The following PLGRKT variants were observed in gnomAD, a reference collection of about 807,000 sequenced individuals.
The protein encoded by PLGRKT is plasminogen receptor (KT).
A neutral mutation model predicts 18.5 loss-of-function variants in PLGRKT; 22 were observed. That is an observed-to-expected ratio of 1.19 (90% CI 0.85 to 1.70). The LOEUF is 1.70. Among genes scored for constraint, PLGRKT ranks in the 40% most tolerant of loss-of-function variants. The pLI, the probability that PLGRKT is intolerant of heterozygous loss-of-function variation, is 0.00. For missense variants in PLGRKT, 235 were observed against 174.4 expected (o/e 1.35, Z -1.96); for synonymous variants, 72 against 52.8 (o/e 1.36, Z -1.58).
intron 2 of PLGRKT, among the ~76,000 whole-genome samples, chr9:5,434,767 G>A (rs1216399169): frequency 1.3e-5 from 2 of 151,998 alleles, no homozygotes; most frequent in Non-Finnish European, 2.9e-5. Context: ...TGGGAAGTGA[G>A]GTGTGCCTCT....
intron 3 of PLGRKT, among the ~76,000 whole-genome samples, chr9:5,364,053 C>T (rs1814502951): frequency 6.6e-6 from 1 of 152,144 alleles, no homozygotes; most frequent in African/African-American, 2.4e-5. Flanking sequence ...TATCAAAAGG[C>T]AGCAAACAAG....
At position 5,418,018 on chromosome 9, in the gene PLGRKT, A is replaced by T. The variant is rs1424350556; in HGVS notation, c.81+13879T>A. ...TTTTAATCTAACGGATTTCGAGAAG[A>T]TCACATTGTACGCACTTGTGGAGTT... On this transcript the variant is annotated intron_variant, in intron 3 of 5. Coordinates refer to ENST00000223864, the MANE Select transcript of PLGRKT (RefSeq NM_018465.4). The surrounding 1 kb of genome is among the most constrained non-coding windows in gnomAD (Gnocchi z 4.2). Among the ~76,000 whole-genome samples, 1 of 152,228 alleles carries T rather than the reference A, an allele frequency of 6.6e-6. No homozygotes were observed. The highest frequency in any genetic ancestry group is 1.5e-5 in the Non-Finnish European group (1 of 68,048).
chr9:5,425,049 G>C, intron 3 of PLGRKT, among the ~76,000 whole-genome samples: 1 of 152,214 alleles, frequency 6.6e-6, no homozygotes, highest in Non-Finnish European at 1.5e-5. Flanking sequence ...TTTGTTGCTT[G>C]AACACAATAA....
intron 5 of PLGRKT, among the ~76,000 whole-genome samples, chr9:5,358,674 G>T (rs1817192795): frequency 6.6e-6 from 1 of 152,104 alleles, no homozygotes; most frequent in Non-Finnish European, 1.5e-5. Flanking sequence ...GGAGGGATTT[G>T]GGTAGAGAAA....
intron 3 of PLGRKT, among the ~76,000 whole-genome samples, chr9:5,421,257 A>G (rs1818570792): frequency 6.6e-6 from 1 of 152,076 alleles, no homozygotes; most frequent in Admixed American, 6.5e-5. Context: ...TTTTGCCTGA[A>G]ACTCGTTCCC....
At position 5,390,080 on chromosome 9, in the gene PLGRKT, C is replaced by T. The variant is rs555216549; in HGVS notation, c.82-28192G>A. Among the ~76,000 whole-genome samples, 4 of 151,772 alleles carry T rather than the reference C, an allele frequency of 2.6e-5. No individual in the cohort carries two copies. In the South Asian group the frequency reaches 8.3e-4, roughly 32 times the overall value. On this transcript the variant is annotated intron_variant, in intron 3 of 5. Transcript: ENST00000223864. ...GTGGAGTCAAAGGAACCAATGCAGG[C>T]CATCTAGAAGATTCTAAAATCCAGA...
At chr9:5,385,923 G>A (rs989600606) in intron 3 of PLGRKT, among the ~76,000 whole-genome samples, 1 of 151,822 alleles carries the variant, frequency 6.6e-6, no homozygotes, top group Non-Finnish European at 1.5e-5. Context: ...CATTATTTTA[G>A]TAAAAGCACA....
chr9:5,430,353 T>C (rs1209004102), intron 3 of PLGRKT, among the ~76,000 whole-genome samples: 1 of 152,200 alleles, frequency 6.6e-6, no homozygotes, highest in Non-Finnish European at 1.5e-5. Context: ...GCTGGCTGAT[T>C]TGTAAACCTA....
rs112472100 is a variant in PLGRKT, at chr9:5,428,115, C to T, written c.81+3782G>A. ...GCGATGGCTGCTGAATCTAGGGGTC[C>T]CCAGAGCTGAAATAAATGGTGTTAA... is the stretch of plus-strand genomic sequence containing the variant. On this transcript the variant is annotated intron_variant, in intron 3 of 5. Transcript: ENST00000223864. Among the ~76,000 whole-genome samples, 1,053 of 152,168 alleles carry T rather than the reference C, an allele frequency of 6.9e-3. 16 individuals carry two copies. The highest frequency in any genetic ancestry group is 0.024 in the African/African-American group (1,013 of 41,506).
rs1818517797 is a variant in PLGRKT, at chr9:5,418,890, G to C, written c.81+13007C>G. ...GGCAAACTGAACAGCAGGTGTGCTTGCAATCCAGCAACTTGGCCTTCACTA... is the reference window on the plus strand; with the variant it reads ...GGCAAACTGAACAGCAGGTGTGCTTCCAATCCAGCAACTTGGCCTTCACTA... On this transcript the variant is annotated intron_variant, in intron 3 of 5. Coordinates refer to ENST00000223864, the MANE Select transcript of PLGRKT (RefSeq NM_018465.4). The surrounding 1 kb of genome is among the most constrained non-coding windows in gnomAD (Gnocchi z 4.2). 2.0e-6 allele frequency: 2 copies of C among 980,576 alleles called. No individual in the cohort carries two copies. The highest frequency in any genetic ancestry group is 2.6e-5 in the South Asian group (2 of 75,674). 60.7% of individuals were successfully genotyped at this position (980,576 alleles called of 1,614,324 possible).
At chr9:5,438,311 C>T (rs1819002477), upstream of PLGRKT, among the ~76,000 whole-genome samples, 1 of 152,222 alleles carries the variant, frequency 6.6e-6, no homozygotes, top group Non-Finnish European at 1.5e-5. Flanking sequence ...GAATAAGCCA[C>T]GTCTCTCTCC....
rs1817255385 is a variant in PLGRKT, at chr9:5,361,158, A to G, written c.242T>C (p.Leu81Pro). The G allele has an allele frequency of 6.2e-7, 1 of 1,609,788 alleles. No individual in the cohort carries two copies. Among genetic ancestry groups the G allele is most frequent in the Non-Finnish European group, 8.5e-7 (1 of 1,177,282 alleles). The change falls in exon 5 of 6, where the codon CTG becomes CCG. Residue 81 changes from leucine (L) to proline (P), a missense_variant. Leu to Pro is a moderately conservative substitution (Grantham distance 98). Transcript: ENST00000223864. ...AAAGCTTAATGGAACAATCGGGACC[A>G]GGAAGGCTGGCTTCTTTTTTTTAAT... ...GAIKKKKPAF[L>P]VPIVPLSFIL...
At chr9:5,364,398 G>A (rs780276612) in intron 3 of PLGRKT, among the ~76,000 whole-genome samples, 1 of 152,174 alleles carries the variant, frequency 6.6e-6, no homozygotes, top group Non-Finnish European at 1.5e-5. Flanking sequence ...TCAGGGTGAT[G>A]GAGTTAATCT....
intron 3 of PLGRKT, among the ~76,000 whole-genome samples, chr9:5,368,405 A>G (rs1241389799): frequency 1.3e-5 from 2 of 152,222 alleles, no homozygotes; most frequent in African/African-American, 2.4e-5. Context: ...GCAGCCATAA[A>G]AAGGAATTAA....
Position 5,358,139 on chromosome 9 carries a change from A to C in PLGRKT, c.*100T>G. On this transcript the variant is annotated 3_prime_UTR_variant, in exon 6 of 6. Transcript: ENST00000223864. ...ATCTTGCATTTTAATATTTTAAAAT[A>C]AAATCTATAATATCAAAATCTTGAG... 1 of 805,600 alleles carries C rather than the reference A, an allele frequency of 1.2e-6. No homozygotes were observed. Among genetic ancestry groups the C allele is most frequent in the Non-Finnish European group, 1.9e-6 (1 of 520,094 alleles). The allele number at this position is 805,600 out of a possible 1,614,324, so 49.9% of individuals were successfully genotyped here.
intron 3 of PLGRKT, among the ~76,000 whole-genome samples, chr9:5,393,895 A>C (rs1444786679): frequency 6.6e-6 from 1 of 151,932 alleles, no homozygotes; most frequent in Non-Finnish European, 1.5e-5. Flanking sequence ...ATCAAATACA[A>C]ATATATGCCC....
At chr9:5,378,384 T>C (rs1443158904) in intron 3 of PLGRKT, among the ~76,000 whole-genome samples, 2 of 152,216 alleles carry the variant, frequency 1.3e-5, no homozygotes. Flanking sequence ...TTTTAGCTCC[T>C]GCTGAGGGAG....
intron 3 of PLGRKT, among the ~76,000 whole-genome samples, chr9:5,402,542 T>C (rs974156438): frequency 3.3e-5 from 5 of 151,942 alleles, no homozygotes; most frequent in African/African-American, 1.2e-4. Context: ...CCACACTGGC[T>C]GATCCCCATC....
At position 5,424,683 on chromosome 9, in the gene PLGRKT, T is replaced by C. The variant is rs1421088177; in HGVS notation, c.81+7214A>G. On this transcript the variant is annotated intron_variant, in intron 3 of 5. Coordinates refer to ENST00000223864, the MANE Select transcript of PLGRKT (RefSeq NM_018465.4). Reference sequence around the variant, plus strand: ...ATTATATATTTTATATATATATATATATATATATACACACAGGGGGGGGAG... The same window carrying C: ...ATTATATATTTTATATATATATATACATATATATACACACAGGGGGGGGAG... 1.8e-4 allele frequency among the ~76,000 whole-genome samples: 19 copies of C among 105,274 alleles called. No homozygotes were observed. In the South Asian group the frequency reaches 2.8e-3, roughly 16 times the overall value. 69.1% of individuals were successfully genotyped at this position (105,274 alleles called of 152,430 possible).
Sources: allele counts gnomAD v4.1 joint callset (sites outside exome capture counted in the v4.1 genomes callset), GRCh38; gene constraint gnomAD v4.1.1; non-coding constraint Gnocchi (gnomAD v3.1); transcripts MANE v1.5; gene names NCBI Gene and HGNC (gene_info 2026-07-23, HGNC 2026-07-21).